The following CYP2C18 variants were observed in gnomAD, a reference collection of about 807,000 sequenced individuals.
The protein encoded by CYP2C18 is cytochrome P450 2C18.
In CYP2C18, 38 loss-of-function variants were observed where a neutral mutation model predicts 41.3. That is an observed-to-expected ratio of 0.92 (90% CI 0.71 to 1.21). CYP2C18 has a LOEUF of 1.21. CYP2C18 is among the 50% of genes most tolerant of loss of function. CYP2C18 has a pLI of 0.00. For synonymous variants in CYP2C18, 236 were observed against 210.0 expected, an observed-to-expected ratio of 1.12 and a Z score of -1.07; for missense variants, 635 against 591.4, an observed-to-expected ratio of 1.07 and a Z score of -0.77.
chr10:94,709,769 T>C (rs1589800209), intron 5 of CYP2C18, among the ~76,000 whole-genome samples: 1 of 152,166 alleles, frequency 6.6e-6, no homozygotes, highest in East Asian at 1.9e-4. Flanking sequence ...TCTGAGTCAA[T>C]TTTTGATTAT....
At chr10:94,697,576 C>T (rs916073082) in intron 4 of CYP2C18, among the ~76,000 whole-genome samples, 14 of 152,102 alleles carry the variant, frequency 9.2e-5, no homozygotes, top group Non-Finnish European at 2.1e-4. Context: ...CATCAACTAA[C>T]GAGCAAAATA....
At chr10:94,686,026 T>C (rs1846881620) in intron 1 of CYP2C18, among the ~76,000 whole-genome samples, 1 of 152,148 alleles carries the variant, frequency 6.6e-6, no homozygotes, top group Non-Finnish European at 1.5e-5. Flanking sequence ...TCCATGAACA[T>C]GGGATATCTT....
At chr10:94,732,942 AAAG>A (rs770899098) in intron 7 of CYP2C18, among the ~76,000 whole-genome samples, 16 of 152,094 alleles carry the variant, frequency 1.1e-4, no homozygotes, top group Non-Finnish European at 2.2e-4. Flanking sequence ...CAACAACAAA[AAAG>A]GTAATCCATG....
chr10:94,709,980 C>G (rs1351981549), intron 5 of CYP2C18, among the ~76,000 whole-genome samples: 1 of 151,878 alleles, frequency 6.6e-6, no homozygotes, highest in Non-Finnish European at 1.5e-5. Flanking sequence ...GCCAGTATGA[C>G]AGTACTTTTT....
intron 3 of CYP2C18, among the ~76,000 whole-genome samples, chr10:94,691,673 C>T (rs1227009482): frequency 6.6e-6 from 1 of 152,144 alleles, no homozygotes; most frequent in Non-Finnish European, 1.5e-5. Context: ...GAAAAAACTA[C>T]TTTAAAGTTC....
At chr10:94,734,575 A>G (rs983648667) in intron 8 of CYP2C18, among the ~76,000 whole-genome samples, 25 of 152,176 alleles carry the variant, frequency 1.6e-4, no homozygotes, top group Admixed American at 6.6e-4. Context: ...TTCTGAAGGA[A>G]GCATAGGAGT....
intron 4 of CYP2C18, among the ~76,000 whole-genome samples, chr10:94,702,571 T>C (rs538121886): frequency 6.6e-6 from 1 of 151,998 alleles, no homozygotes; most frequent in Admixed American, 6.6e-5. Flanking sequence ...TGTGCTTTGT[T>C]TTTCAACTCC....
chr10:94,685,104 G>T (rs1846861526), intron 1 of CYP2C18, among the ~76,000 whole-genome samples: 1 of 151,946 alleles, frequency 6.6e-6, no homozygotes, highest in Non-Finnish European at 1.5e-5. Flanking sequence ...ATGGGATCAT[G>T]GTCCCTGCAG....
chr10:94,695,601 G>A (rs1473832876), intron 4 of CYP2C18, among the ~76,000 whole-genome samples: 1 of 152,074 alleles, frequency 6.6e-6, no homozygotes, highest in Non-Finnish European at 1.5e-5. Flanking sequence ...TGAGGTACTG[G>A]GTTCATCTCA....
intron 1 of CYP2C18, among the ~76,000 whole-genome samples, 154 bp from the exon 2 acceptor site, chr10:94,687,613 AATC>A (rs1393269712): frequency 1.3e-5 from 2 of 152,230 alleles, no homozygotes; most frequent in Admixed American, 1.3e-4. Context: ...CTAAAACAAT[AATC>A]ATCATCTTTG....
chr10:94,693,139 T>C (rs1027628569), intron 3 of CYP2C18, among the ~76,000 whole-genome samples: 4 of 152,136 alleles, frequency 2.6e-5, no homozygotes, highest in Non-Finnish European at 5.9e-5. Context: ...GTTGTGCACA[T>C]GTACCCTAAA....
intron 5 of CYP2C18, among the ~76,000 whole-genome samples, chr10:94,715,124 A>G (rs1416884622): frequency 2.6e-5 from 4 of 152,170 alleles, no homozygotes; most frequent in Non-Finnish European, 5.9e-5. Context: ...GTCATCTACA[A>G]ACAGGAACAA....
intron 7 of CYP2C18, among the ~76,000 whole-genome samples, chr10:94,728,081 G>A (rs905403466): frequency 5.3e-5 from 8 of 152,002 alleles, no homozygotes; most frequent in Non-Finnish European, 1.2e-4. Flanking sequence ...CAAGGAACAA[G>A]CTTTTAATTT....
At chr10:94,728,562 T>G in intron 7 of CYP2C18, 2 of 776,248 alleles carry the variant, frequency 2.6e-6, no homozygotes, top group Non-Finnish European at 3.1e-6. Flanking sequence ...TTAGGTTGGA[T>G]TCATCTCTGA....
intron 7 of CYP2C18, among the ~76,000 whole-genome samples, chr10:94,730,527 C>A (rs986849699): frequency 6.6e-6 from 1 of 151,996 alleles, no homozygotes. Flanking sequence ...AGTAAATAAA[C>A]CTTTTGCTTC....
intron 6 of CYP2C18, among the ~76,000 whole-genome samples, chr10:94,721,420 T>G (rs910053274): frequency 2.6e-5 from 4 of 152,148 alleles, no homozygotes; most frequent in African/African-American, 9.6e-5. Context: ...TATTGGCAAT[T>G]CTTTTGTGGT....
intron 3 of CYP2C18, among the ~76,000 whole-genome samples, chr10:94,690,585 A>G (rs894628615): frequency 1.3e-5 from 2 of 152,210 alleles, no homozygotes; most frequent in African/African-American, 2.4e-5. Context: ...ATGGATTCAC[A>G]GCCGAATTCT....
chr10:94,721,526 G>A (rs1374675977), intron 6 of CYP2C18, among the ~76,000 whole-genome samples: 2 of 152,010 alleles, frequency 1.3e-5, no homozygotes, highest in Non-Finnish European at 2.9e-5. Context: ...TTCCCTAGTG[G>A]TGAAGTCTGG....
chr10:94,704,672 A>T (rs1269250101), intron 4 of CYP2C18, among the ~76,000 whole-genome samples: 1 of 152,094 alleles, frequency 6.6e-6, no homozygotes, highest in Non-Finnish European at 1.5e-5. Context: ...CAGAGGTGAA[A>T]GTTCAGGATC....
Sources: allele counts gnomAD v4.1 joint callset (sites outside exome capture counted in the v4.1 genomes callset), GRCh38; gene constraint gnomAD v4.1.1; transcripts MANE v1.5; gene names NCBI Gene and HGNC (gene_info 2026-07-23, HGNC 2026-07-21).